RECK: variants seen among roughly 807,000 people sequenced by gnomAD.
The protein encoded by RECK is reversion-inducing cysteine-rich protein with Kazal motifs.
In RECK, 69 loss-of-function variants were observed where a neutral mutation model predicts 115.1. The ratio of observed to expected loss-of-function variants is 0.60; its 90% CI spans 0.49 to 0.73. The LOEUF is 0.73. RECK is among the 30% of genes least tolerant of loss of function. RECK has a pLI of 0.00. For missense variants in RECK, 1,047 were observed against 1,203.7 expected (o/e 0.87, Z 1.93); for synonymous variants, 414 against 419.7 (o/e 0.99, Z 0.17).
chr9:36,048,272 A>G (rs552195597), intron 1 of RECK, among the ~76,000 whole-genome samples: 17 of 151,214 alleles, frequency 1.1e-4, no homozygotes, highest in African/African-American at 3.4e-4. Context: ...GACAATGCCA[A>G]CTCTATCCTC....
At chr9:36,081,019 G>A (rs566934422) in intron 7 of RECK, among the ~76,000 whole-genome samples, 1 of 152,324 alleles carries the variant, frequency 6.6e-6, no homozygotes, top group East Asian at 1.9e-4. Context: ...GGTAGGATAT[G>A]AGATAGTGTC....
intron 6 of RECK, among the ~76,000 whole-genome samples, chr9:36,074,811 ATGT>A (rs1348379704): frequency 6.6e-6 from 1 of 152,182 alleles, no homozygotes; most frequent in Non-Finnish European, 1.5e-5. Context: ...TATCCCAATA[ATGT>A]TGTATAGTAA....
At position 36,121,608 on chromosome 9, in the gene RECK, G is replaced by A. The variant is rs771160118; in HGVS notation, c.2614G>A (p.Asp872Asn). The A allele has an allele frequency of 1.2e-6, 2 of 1,614,154 alleles. No homozygotes were observed. Among genetic ancestry groups the A allele is most frequent in the South Asian group, 2.2e-5 (2 of 91,074 alleles). ...CATGCACGTGTCTGTCCCACAGTGT[G>A]ATGTGTTTGGATACTTCAGCATTGA... The part of the protein sequence containing the change: ...IRMHVSVPQC[D>N]VFGYFSIESE... The change falls in exon 20 of 21, where the codon GAT becomes AAT. Residue 872 changes from aspartate to asparagine, a missense_variant. Transcript: ENST00000377966.
intron 9 of RECK, among the ~76,000 whole-genome samples, chr9:36,089,897 A>G (rs1823096378): frequency 6.6e-6 from 1 of 151,994 alleles, no homozygotes; most frequent in South Asian, 2.1e-4. Flanking sequence ...GGTGAGGCAG[A>G]TGGATCGCCT....
chr9:36,117,197 A>G lies in RECK; in HGVS notation c.2253+20A>G. The G allele has an allele frequency of 6.4e-7, 1 of 1,574,654 alleles. No homozygotes were observed. Among genetic ancestry groups the G allele is most frequent in the African/African-American group, 1.4e-5 (1 of 73,618 alleles). ...TGCCAGGTACAGTGCTTTGGCTGAC[A>G]AAACAAAGTACACTACGGATAAAAT... On this transcript the variant is annotated intron_variant, in intron 17 of 20. Transcript: ENST00000377966.
rs912145919 is a variant in RECK, at chr9:36,124,000, C to G, written c.*955C>G. 1.3e-5 allele frequency: 2 copies of G among 152,562 alleles called. No homozygotes were observed. The highest frequency in any genetic ancestry group is 3.8e-4 in the East Asian group (2 of 5,196). The allele number at this position is 152,562 out of a possible 1,614,324, so 9.5% of individuals were successfully genotyped here. On this transcript the variant is annotated 3_prime_UTR_variant, in exon 21 of 21. Coordinates refer to ENST00000377966, the MANE Select transcript of RECK (RefSeq NM_021111.3). ...GTGTGTTAACCCAGTGCTTTCCATT[C>G]GTGAAAACACATTTGCTTTTTGTGA...
chr9:36,111,969 A>T (rs1455131169), intron 15 of RECK, among the ~76,000 whole-genome samples: 1 of 151,710 alleles, frequency 6.6e-6, no homozygotes, highest in South Asian at 2.1e-4. Context: ...AAAAAAAAAA[A>T]AAAATTAGCT....
chr9:36,086,201 C>A (rs924860389), intron 8 of RECK: 1 of 152,130 alleles, frequency 6.6e-6, no homozygotes, highest in Admixed American at 6.5e-5. Context: ...TGTCAGAGTT[C>A]GCTACTGTAC....
At chr9:36,060,191 T>C (rs1432413507) in intron 4 of RECK, 36 bp downstream of exon 4, 1 of 1,594,408 alleles carries the variant, frequency 6.3e-7, no homozygotes, top group East Asian at 2.2e-5. Context: ...GCACTTAATT[T>C]TAAAAACTTA....
intron 12 of RECK, among the ~76,000 whole-genome samples, chr9:36,102,656 TA>T (rs144746800): frequency 0.025 from 3,853 of 152,036 alleles, 175 homozygotes; most frequent in African/African-American, 0.086. Flanking sequence ...CAACAGGGTA[TA>T]AAAAAATGAT....
intron 1 of RECK, among the ~76,000 whole-genome samples, chr9:36,049,570 C>T (rs527499571): frequency 6.6e-6 from 1 of 152,292 alleles, no homozygotes; most frequent in South Asian, 2.1e-4. Flanking sequence ...CAAAGCTGGG[C>T]CTGGGCCACA....
intron 6 of RECK, among the ~76,000 whole-genome samples, chr9:36,078,041 A>T (rs1221407856): frequency 1.3e-5 from 2 of 152,228 alleles, no homozygotes. Context: ...TTTAATTTAA[A>T]AAAGTAGGTA....
At chr9:36,119,024 C>T in intron 18 of RECK, 57 bp downstream of exon 18, 2 of 1,512,504 alleles carry the variant, frequency 1.3e-6, no homozygotes, top group East Asian at 2.3e-5. Flanking sequence ...GCTTATCCAC[C>T]TCCAGAGAGT....
At chr9:36,062,678 A>G (rs1247508278) in intron 4 of RECK, among the ~76,000 whole-genome samples, 4 of 151,438 alleles carry the variant, frequency 2.6e-5, no homozygotes, top group Non-Finnish European at 2.9e-5. Context: ...GGGGTTCACC[A>G]TGTTGGCCAG....
chr9:36,075,277 C>T (rs182030917), intron 6 of RECK, among the ~76,000 whole-genome samples: 36 of 152,332 alleles, frequency 2.4e-4, no homozygotes, highest in African/African-American at 7.9e-4. Context: ...ATACTCTGTG[C>T]TAGGCTGTCT....
At chr9:36,081,975 G>A (rs1226094097) in intron 7 of RECK, among the ~76,000 whole-genome samples, 1 of 152,064 alleles carries the variant, frequency 6.6e-6, no homozygotes, top group Non-Finnish European at 1.5e-5. Flanking sequence ...ACTGAGACTT[G>A]TCCTATATCA....
intron 6 of RECK, among the ~76,000 whole-genome samples, chr9:36,066,493 G>A (rs548717307): frequency 3.2e-4 from 49 of 151,940 alleles, no homozygotes; most frequent in African/African-American, 1.2e-3. Context: ...CTCAAAGCCT[G>A]TATCTCTTAT....
intron 1 of RECK, among the ~76,000 whole-genome samples, chr9:36,043,255 G>T (rs1330787576): frequency 1.4e-5 from 2 of 139,130 alleles, no homozygotes; most frequent in Non-Finnish European, 3.0e-5. Flanking sequence ...TGTTAACCAG[G>T]ATGGTCTCAA....
chr9:36,106,254 G>A (rs1184038210), intron 13 of RECK, among the ~76,000 whole-genome samples: 7 of 144,708 alleles, frequency 4.8e-5, no homozygotes, highest in Non-Finnish European at 9.1e-5. Context: ...TTTTTTTTGA[G>A]ACGGGGTTTC....
Sources: allele counts gnomAD v4.1 joint callset (sites outside exome capture counted in the v4.1 genomes callset), GRCh38; gene constraint gnomAD v4.1.1; transcripts MANE v1.5; gene names NCBI Gene and HGNC (gene_info 2026-07-23, HGNC 2026-07-21).